PNPLA7: variants seen among roughly 807,000 people sequenced by gnomAD.
PNPLA7 encodes the protein patatin-like phospholipase domain-containing protein 7.
PNPLA7 carries 153 observed loss-of-function variants against 161.7 expected under a neutral mutation model. The observed-to-expected ratio is 0.95, with a 90% confidence interval of 0.83 to 1.08. The LOEUF is 1.08. Among genes scored for constraint, PNPLA7 ranks in the 50% least tolerant of loss-of-function variants. PNPLA7 has a pLI of 0.00. For missense variants in PNPLA7, 1,739 were observed against 1,856.6 expected (o/e 0.94, Z 1.16); for synonymous variants, 809 against 782.1 (o/e 1.03, Z -0.57).
chr9:137,507,239 C>A (rs1466213716), intron 12 of PNPLA7, among the ~76,000 whole-genome samples: 1 of 152,264 alleles, frequency 6.6e-6, no homozygotes, highest in Non-Finnish European at 1.5e-5. Context: ...GGAAAGCAAT[C>A]TATGGCAACA....
intron 15 of PNPLA7, 149 bp downstream of exon 15, chr9:137,501,501 G>T: frequency 1.3e-6 from 1 of 758,858 alleles, no homozygotes; most frequent in Non-Finnish European, 2.1e-6. Flanking sequence ...GAGGGGAGGG[G>T]CTCTGCCATG....
At position 137,478,150 on chromosome 9, in the gene PNPLA7, C is replaced by T. The variant is rs935686335; in HGVS notation, c.2766G>A (p.Val922=). ...GCTGGAAGACATGCTTGTACATCTC[C>T]ACCTGGGGGAGGAGCCGTCAGGCAG... ...VFSRRSLPKL[V]EMYKHVFQRP... is the part of the protein sequence containing the mutation. The change falls in exon 25 of 35, where the codon GTG becomes GTA. Residue 922 remains valine, a splice_region_variant and synonymous_variant. Transcript: ENST00000406427. The T allele has an allele frequency of 7.7e-7, 1 of 1,295,232 alleles. No individual in the cohort carries two copies. Among genetic ancestry groups the T allele is most frequent in the Non-Finnish European group, 9.9e-7 (1 of 1,011,630 alleles). 80.2% of individuals were successfully genotyped at this position (1,295,232 alleles called of 1,614,324 possible). A position where few individuals can be genotyped will look rare whatever the true frequency, so the allele number is the denominator to read the frequency against.
chr9:137,538,077 A>C (rs868685502), intron 8 of PNPLA7, among the ~76,000 whole-genome samples: 3 of 152,204 alleles, frequency 2.0e-5, no homozygotes, highest in Middle Eastern at 3.4e-3. Context: ...GGCTCCAAAG[A>C]GGTGCACAGA....
At chr9:137,522,322 CCTCGG>C (rs1835059670) in intron 9 of PNPLA7, among the ~76,000 whole-genome samples, 3 of 151,416 alleles carry the variant, frequency 2.0e-5, no homozygotes, top group Non-Finnish European at 2.9e-5. Flanking sequence ...GATCCGCCCA[CCTCGG>C]CCTCCCACAG....
At chr9:137,481,859 T>C (rs535393521) in intron 21 of PNPLA7, among the ~76,000 whole-genome samples, 15 of 151,974 alleles carry the variant, frequency 9.9e-5, no homozygotes, top group Non-Finnish European at 2.2e-4. Context: ...TGGCATGAAC[T>C]CGGGAGGTGG....
intron 4 of PNPLA7, among the ~76,000 whole-genome samples, chr9:137,546,281 T>C (rs1233221830): frequency 1.3e-5 from 2 of 152,060 alleles, no homozygotes; most frequent in African/African-American, 2.4e-5. Context: ...TTACCTATCA[T>C]TGGAGATGGC....
intron 16 of PNPLA7, among the ~76,000 whole-genome samples, chr9:137,498,713 C>T (rs1035382458): frequency 2.0e-5 from 3 of 152,040 alleles, no homozygotes; most frequent in African/African-American, 4.8e-5. Flanking sequence ...GGGCCTCTGA[C>T]CCGGGGAACA....
Position 137,501,519 on chromosome 9 carries a change from G to A in PNPLA7, c.1551+131C>T, listed in dbSNP as rs1322107019. The A allele has an allele frequency of 2.0e-5, 17 of 870,144 alleles. No individual in the cohort carries two copies. In the African/African-American group the frequency reaches 2.7e-4, roughly 14 times the overall value. The allele number at this position is 870,144 out of a possible 1,614,324, so 53.9% of individuals were successfully genotyped here. Reference sequence around the variant, plus strand: ...GGGAGGGGCTCTGCCATGGTGCCCAGAGGGGCAGTGGCCCGGTGCTGGGAG... The same window carrying A: ...GGGAGGGGCTCTGCCATGGTGCCCAAAGGGGCAGTGGCCCGGTGCTGGGAG... On this transcript the variant is annotated intron_variant, in intron 15 of 34. Transcript: ENST00000406427.
rs1325623072 is a variant in PNPLA7 at position 137,468,173 on chromosome 9, C to T, written c.2883-700G>A. Among the ~76,000 whole-genome samples, 2 of 151,826 alleles carry T rather than the reference C, an allele frequency of 1.3e-5. No individual in the cohort carries two copies. The highest frequency in any genetic ancestry group is 2.9e-5 in the Non-Finnish European group (2 of 67,922). The stretch of plus-strand genomic sequence containing the variant: ...GGATGTAGACCAGCACCCATGAGAC[C>T]AGGGAGCACCCCCGAGACCAGGGGG... On this transcript the variant is annotated intron_variant, in intron 25 of 34. Coordinates refer to ENST00000406427, the MANE Select transcript of PNPLA7 (RefSeq NM_001098537.3). The surrounding 1 kb of genome is among the most constrained non-coding windows in gnomAD (Gnocchi z 4.0).
chr9:137,465,796 A>G (rs781767731), intron 26 of PNPLA7, among the ~76,000 whole-genome samples: 1 of 151,946 alleles, frequency 6.6e-6, no homozygotes, highest in African/African-American at 2.4e-5. Flanking sequence ...TTCTGATCCC[A>G]CTCATGGCTC....
chr9:137,476,123 C>T lies in PNPLA7; in HGVS notation c.2882+1911G>A, dbSNP rs114211024. 9.1e-3 allele frequency among the ~76,000 whole-genome samples: 1,392 copies of T among 152,208 alleles called. 20 individuals carry two copies. The highest frequency in any genetic ancestry group is 0.031 in the African/African-American group (1,287 of 41,526). On this transcript the variant is annotated intron_variant, in intron 25 of 34. Coordinates refer to ENST00000406427, the MANE Select transcript of PNPLA7 (RefSeq NM_001098537.3). The surrounding 1 kb of genome is among the most constrained non-coding windows in gnomAD (Gnocchi z 4.5). ...TGTTAGAAAACAACCAGTAGAGATACGAAGAGGCTAGAGGGCTTTCGGGAG... is the reference window on the plus strand; with the variant it reads ...TGTTAGAAAACAACCAGTAGAGATATGAAGAGGCTAGAGGGCTTTCGGGAG...
intron 8 of PNPLA7, among the ~76,000 whole-genome samples, chr9:137,530,134 T>C (rs950635228): frequency 2.0e-5 from 3 of 151,870 alleles, no homozygotes; most frequent in Admixed American, 6.6e-5. Flanking sequence ...CCAGCTAATT[T>C]TTTTGTATTT....
At chr9:137,479,486 C>A (rs915514594) in intron 23 of PNPLA7, 2 of 1,217,434 alleles carry the variant, frequency 1.6e-6, no homozygotes, top group Non-Finnish European at 2.0e-6. Context: ...CTTTCTGTTT[C>A]TCTAACACTG....
intron 7 of PNPLA7, 135 bp downstream of exon 7, chr9:137,542,507 G>A (rs1326610871): frequency 2.0e-6 from 2 of 1,018,148 alleles, no homozygotes; most frequent in African/African-American, 3.3e-5. Context: ...AATAAAAACG[G>A]TGAGTTTTCC....
At position 137,523,260 on chromosome 9, in the gene PNPLA7, C is replaced by T. The variant is rs186403108; in HGVS notation, c.748-403G>A. On this transcript the variant is annotated intron_variant, in intron 8 of 34. Coordinates refer to ENST00000406427, the MANE Select transcript of PNPLA7 (RefSeq NM_001098537.3). The surrounding 1 kb of genome is among the most constrained non-coding windows in gnomAD (Gnocchi z 4.4). Reference sequence around the variant, plus strand: ...AGGGCGTGCCAGACACCAACCTGAGCGGGCTTCCTAAAAAGGCCACCGAGA... The same window carrying T: ...AGGGCGTGCCAGACACCAACCTGAGTGGGCTTCCTAAAAAGGCCACCGAGA... Among the ~76,000 whole-genome samples, 23 of 151,260 alleles carry T rather than the reference C, an allele frequency of 1.5e-4. No homozygotes were observed. The East Asian group carries it at 3.1e-3, about 21-fold the overall frequency.
chr9:137,519,935 G>T lies in PNPLA7; in HGVS notation c.1066C>A (p.Gln356Lys). Residue 356 changes from glutamine (Q) to lysine (K), a missense_variant, in exon 11 of 35, where the codon CAG becomes AAG. Coordinates refer to ENST00000406427, the MANE Select transcript of PNPLA7 (RefSeq NM_001098537.3). The stretch of plus-strand genomic sequence containing the variant: ...ACAGTACCTGAGTCACAGGACTCCT[G>T]GAGCCGCGGTGGCTTTTTAAGCCGC... Reference protein sequence around the residue: ...EERLKKPPRLQESCDSDHGGG... With the variant: ...EERLKKPPRLKESCDSDHGGG... 6.2e-7 allele frequency: 1 copy of T among 1,612,578 alleles called. No individual in the cohort carries two copies. Among genetic ancestry groups the T allele is most frequent in the East Asian group, 2.2e-5 (1 of 44,888 alleles).
intron 11 of PNPLA7, among the ~76,000 whole-genome samples, chr9:137,516,884 C>A (rs1267837590): frequency 4.0e-5 from 6 of 151,640 alleles, no homozygotes; most frequent in Non-Finnish European, 8.8e-5. Flanking sequence ...AAAAGCACAT[C>A]AGCCAGAGCT....
intron 18 of PNPLA7, among the ~76,000 whole-genome samples, chr9:137,495,506 C>T (rs567560023): frequency 9.2e-5 from 14 of 151,980 alleles, no homozygotes; most frequent in Admixed American, 2.0e-4. Context: ...TGCAGTGGTG[C>T]GATCTCGGCT....
At chr9:137,526,791 C>T (rs115870960) in intron 8 of PNPLA7, among the ~76,000 whole-genome samples, 1,784 of 152,276 alleles carry the variant, frequency 0.012, 34 homozygotes, top group African/African-American at 0.039. Context: ...AGTTTATTTT[C>T]GTATGTTGAT....
Sources: allele counts gnomAD v4.1 joint callset (sites outside exome capture counted in the v4.1 genomes callset), GRCh38; gene constraint gnomAD v4.1.1; non-coding constraint Gnocchi (gnomAD v3.1); transcripts MANE v1.5; gene names NCBI Gene and HGNC (gene_info 2026-07-23, HGNC 2026-07-21).